CCSER1: variants seen among roughly 807,000 people sequenced by gnomAD.
The protein encoded by CCSER1 is serine-rich coiled-coil domain-containing protein 1.
In CCSER1, 41 loss-of-function variants were observed where a neutral mutation model predicts 82.0. That is an observed-to-expected ratio of 0.50 (90% CI 0.39 to 0.65). The LOEUF (loss-of-function observed/expected upper bound fraction) is 0.65, where lower values mean the gene tolerates loss of function less well. CCSER1 is among the 30% of genes least tolerant of loss of function. The pLI is 0.00. For missense variants in CCSER1, 1,119 were observed against 1,064.2 expected (o/e 1.05, Z -0.72); for synonymous variants, 414 against 383.9 (o/e 1.08, Z -0.92).
At chr4:90,799,808 T>G (rs1278790316) in intron 7 of CCSER1, among the ~76,000 whole-genome samples, 1 of 152,190 alleles carries the variant, frequency 6.6e-6, no homozygotes, top group East Asian at 1.9e-4. Context: ...TTGCTGTCCT[T>G]AACACTTCTT....
chr4:90,261,533 C>G (rs1724333276), intron 1 of CCSER1, among the ~76,000 whole-genome samples: 1 of 152,086 alleles, frequency 6.6e-6, no homozygotes, highest in Non-Finnish European at 1.5e-5. Flanking sequence ...TCTTAGAATT[C>G]TTTCCTTCAT....
chr4:91,476,652 C>G (rs1757614683), intron 10 of CCSER1, among the ~76,000 whole-genome samples: 1 of 148,656 alleles, frequency 6.7e-6, no homozygotes, highest in African/African-American at 2.5e-5. Context: ...TCAAAATATA[C>G]CACAAAGTTA....
intron 7 of CCSER1, among the ~76,000 whole-genome samples, chr4:90,774,311 G>T (rs950668475): frequency 6.6e-6 from 1 of 151,984 alleles, no homozygotes; most frequent in Non-Finnish European, 1.5e-5. Context: ...GTTTAGATTT[G>T]CTTCCTTAGG....
intron 10 of CCSER1, among the ~76,000 whole-genome samples, chr4:91,348,949 C>G (rs1193441146): frequency 6.6e-6 from 1 of 152,052 alleles, no homozygotes; most frequent in Non-Finnish European, 1.5e-5. Context: ...CACTCTGCCC[C>G]CCAGGCTGGA....
At chr4:91,114,827 A>G (rs1726407081) in intron 10 of CCSER1, among the ~76,000 whole-genome samples, 1 of 152,190 alleles carries the variant, frequency 6.6e-6, no homozygotes, top group East Asian at 1.9e-4. Flanking sequence ...GTTAATTATT[A>G]AAAGGAGTTA....
At chr4:90,817,767 G>T (rs1388512290) in intron 8 of CCSER1, among the ~76,000 whole-genome samples, 1 of 152,130 alleles carries the variant, frequency 6.6e-6, no homozygotes. Context: ...ATTCAAACTG[G>T]ATTTGGAGCA....
At chr4:91,550,870 C>T (rs1024337575) in intron 10 of CCSER1, among the ~76,000 whole-genome samples, 2 of 152,116 alleles carry the variant, frequency 1.3e-5, no homozygotes, top group Admixed American at 1.3e-4. Flanking sequence ...TATGATTTTA[C>T]ATAGAAGTGT....
At chr4:91,087,427 G>C (rs1021065602) in intron 10 of CCSER1, among the ~76,000 whole-genome samples, 3 of 152,024 alleles carry the variant, frequency 2.0e-5, no homozygotes, top group African/African-American at 7.2e-5. Context: ...TTTATTGAAA[G>C]AGTGGCTCTT....
At position 90,780,343 on chromosome 4, in the gene CCSER1, A is replaced by G. The variant is rs926272191; in HGVS notation, c.2011-35419A>G. 9.8e-6 allele frequency: 12 copies of G among 1,224,960 alleles called. No homozygotes were observed. In the African/African-American group the frequency reaches 1.4e-4, roughly 14 times the overall value. 75.9% of individuals were successfully genotyped at this position (1,224,960 alleles called of 1,614,324 possible). A position where few individuals can be genotyped will look rare whatever the true frequency, so the allele number is the denominator to read the frequency against. ...ACGCTTCCCATCTAAATTATCTTTA[A>G]GAACATTTAAGTTTCATTGATGATC... On this transcript the variant is annotated intron_variant, in intron 7 of 10. Coordinates refer to ENST00000509176, the MANE Select transcript of CCSER1 (RefSeq NM_001145065.2).
intron 6 of CCSER1, among the ~76,000 whole-genome samples, chr4:90,667,292 T>C (rs1431487485): frequency 1.3e-5 from 2 of 152,174 alleles, no homozygotes; most frequent in East Asian, 3.9e-4. Context: ...GGCCATTTCA[T>C]TGTGTCATTG....
At chr4:90,952,715 C>T (rs954787696) in intron 9 of CCSER1, among the ~76,000 whole-genome samples, 1 of 151,966 alleles carries the variant, frequency 6.6e-6, no homozygotes, top group Admixed American at 6.6e-5. Flanking sequence ...TCATATTTGC[C>T]GAGGTTAGCT....
chr4:90,732,433 C>T (rs1215459410), intron 7 of CCSER1, among the ~76,000 whole-genome samples: 1 of 152,106 alleles, frequency 6.6e-6, no homozygotes, highest in African/African-American at 2.4e-5. Flanking sequence ...CAGTAAAGGC[C>T]AGTAGCAACT....
intron 1 of CCSER1, among the ~76,000 whole-genome samples, chr4:90,203,328 C>T (rs1402835926): frequency 1.3e-5 from 2 of 152,158 alleles, no homozygotes; most frequent in African/African-American, 4.8e-5. Flanking sequence ...GGTATTTCTC[C>T]TAATGCTATC....
At chr4:91,508,723 G>A (rs1375544817) in intron 10 of CCSER1, among the ~76,000 whole-genome samples, 1 of 151,786 alleles carries the variant, frequency 6.6e-6, no homozygotes, top group Non-Finnish European at 1.5e-5. Context: ...ACCAGTGAAG[G>A]CTTTTCATGG....
chr4:90,473,098 A>G (rs1764614779), intron 5 of CCSER1, among the ~76,000 whole-genome samples: 1 of 152,216 alleles, frequency 6.6e-6, no homozygotes, highest in Admixed American at 6.5e-5. Flanking sequence ...TCAAAACTCT[A>G]CATTTCTCAA....
chr4:90,338,962 T>C (rs1421203478), intron 3 of CCSER1, among the ~76,000 whole-genome samples: 5 of 152,192 alleles, frequency 3.3e-5, no homozygotes, highest in Admixed American at 3.3e-4. Context: ...ACAAGGAGTC[T>C]CGAGTAAAAG....
At chr4:90,890,301 C>T (rs1367814856) in intron 8 of CCSER1, among the ~76,000 whole-genome samples, 1 of 152,140 alleles carries the variant, frequency 6.6e-6, no homozygotes, top group Admixed American at 6.6e-5. Context: ...TCAGACTCCT[C>T]ATCTCACACT....
chr4:91,465,147 C>A (rs1756799942), intron 10 of CCSER1, among the ~76,000 whole-genome samples: 1 of 152,170 alleles, frequency 6.6e-6, no homozygotes, highest in African/African-American at 2.4e-5. Flanking sequence ...GAAATTATAA[C>A]AAACTGTCTC....
At chr4:91,380,295 A>G (rs905132494) in intron 10 of CCSER1, among the ~76,000 whole-genome samples, 1 of 152,106 alleles carries the variant, frequency 6.6e-6, no homozygotes, top group African/African-American at 2.4e-5. Flanking sequence ...CAATTCCTGA[A>G]TATCCTTTTT....
Sources: gnomAD v4.1 joint callset for allele counts (sites outside exome capture counted in the v4.1 genomes callset) on GRCh38, gnomAD v4.1.1 for gene constraint, MANE v1.5 for transcripts, NCBI Gene and HGNC (gene_info 2026-07-23, HGNC 2026-07-21) for gene names.